GATAD2B: variants seen among roughly 807,000 people sequenced by gnomAD.
GATAD2B encodes the protein GATA zinc finger domain containing 2B, also known as transcriptional repressor p66-beta.
GATAD2B carries 8 observed loss-of-function variants against 64.3 expected under a neutral mutation model. The ratio of observed to expected loss-of-function variants is 0.12; its 90% CI spans 0.07 to 0.22. GATAD2B has a LOEUF of 0.22. Ranked by LOEUF, GATAD2B falls within the 10% of genes least tolerant of loss-of-function variation. The pLI, the probability that GATAD2B is intolerant of heterozygous loss-of-function variation, is 1.00. For missense variants in GATAD2B, 453 were observed against 752.0 expected (o/e 0.60, Z 4.65); for synonymous variants, 281 against 271.3 (o/e 1.04, Z -0.35).
At chr1:153,847,001 G>A (rs1259189951) in intron 1 of GATAD2B, among the ~76,000 whole-genome samples, 2 of 152,146 alleles carry the variant, frequency 1.3e-5, no homozygotes, top group South Asian at 4.1e-4. Context: ...GTATTGCTCT[G>A]TCACCCAGGT....
At chr1:153,859,746 A>G (rs1213416409) in intron 1 of GATAD2B, among the ~76,000 whole-genome samples, 2 of 151,830 alleles carry the variant, frequency 1.3e-5, no homozygotes, top group African/African-American at 4.8e-5. Context: ...CCTAGTTTGT[A>G]TAGAACATGT....
chr1:153,848,973 A>ACCCC (rs113142203), intron 1 of GATAD2B, among the ~76,000 whole-genome samples: 5 of 141,472 alleles, frequency 3.5e-5, no homozygotes, highest in South Asian at 4.5e-4. Flanking sequence ...AAACAAACAA[A>ACCCC]CCCCCCCCCT....
Position 153,843,138 on chromosome 1 carries a change from C to T in GATAD2B, c.-1-14790G>A, listed in dbSNP as rs561229405. On this transcript the variant is annotated intron_variant, in intron 1 of 10. Transcript: ENST00000368655. ...GGCTAATTTTTGCCACTGTGCCTGGCATTTTTTTTTTTAAGAGACAGTATC... is the reference window on the plus strand; with the variant it reads ...GGCTAATTTTTGCCACTGTGCCTGGTATTTTTTTTTTTAAGAGACAGTATC... 9.3e-5 allele frequency among the ~76,000 whole-genome samples: 14 copies of T among 149,932 alleles called. No homozygotes were observed. The East Asian group carries it at 2.0e-3, about 21-fold the overall frequency.
intron 1 of GATAD2B, among the ~76,000 whole-genome samples, chr1:153,915,088 T>TA: frequency 6.6e-6 from 1 of 152,224 alleles, no homozygotes; most frequent in East Asian, 1.9e-4. Flanking sequence ...CCAGGTGTGG[T>TA]GGCATGTGCC....
At chr1:153,846,554 GTTCT>G (rs1415123830) in intron 1 of GATAD2B, among the ~76,000 whole-genome samples, 28 of 132,284 alleles carry the variant, frequency 2.1e-4, no homozygotes, top group Admixed American at 5.4e-4. Context: ...TGTTCTTTGC[GTTCT>G]TTTTTTTTTT....
chr1:153,849,874 C>T (rs1398898861), intron 1 of GATAD2B, among the ~76,000 whole-genome samples: 8 of 152,196 alleles, frequency 5.3e-5, no homozygotes, highest in East Asian at 1.9e-4. Flanking sequence ...TCAGGTGATC[C>T]GCCTGGCTTG....
At chr1:153,920,058 G>A (rs771638329) in intron 1 of GATAD2B, among the ~76,000 whole-genome samples, 36 of 152,230 alleles carry the variant, frequency 2.4e-4, no homozygotes, top group Non-Finnish European at 4.4e-4. Flanking sequence ...TCCCAATGGG[G>A]TGGCTAACAT....
chr1:153,816,293 T>C lies in GATAD2B; in HGVS notation c.1196A>G (p.Gln399Arg). ...CTTACCTTGGCTGTCAATGACACTC[T>C]GTACGACTTCTTCCAAGCCTACCAT... The part of the protein sequence containing the change: ...IYMVGLEEVV[Q>R]SVIDSQGKSC... Residue 399 changes from glutamine to arginine, a missense_variant, in exon 7 of 11, where the codon CAG (glutamine) becomes CGG (arginine). Transcript: ENST00000368655. The surrounding 1 kb of genome is among the most constrained non-coding windows in gnomAD (Gnocchi z 4.9). The C allele has an allele frequency of 1.9e-6, 3 of 1,612,688 alleles. No individual in the cohort carries two copies. The highest frequency in any genetic ancestry group is 2.5e-6 in the Non-Finnish European group (3 of 1,178,672).
chr1:153,863,993 G>GA (rs1272308049), intron 1 of GATAD2B, among the ~76,000 whole-genome samples: 4 of 152,038 alleles, frequency 2.6e-5, no homozygotes, highest in African/African-American at 9.7e-5. Flanking sequence ...TTTTTTATAT[G>GA]AAAGAAAAAC....
At chr1:153,901,611 G>C (rs1377230225) in intron 1 of GATAD2B, among the ~76,000 whole-genome samples, 2 of 151,814 alleles carry the variant, frequency 1.3e-5, no homozygotes, top group African/African-American at 4.8e-5. Context: ...GATCATCTGA[G>C]GTCAGGAATT....
chr1:153,834,292 C>T (rs971382483), intron 1 of GATAD2B, among the ~76,000 whole-genome samples: 2 of 152,052 alleles, frequency 1.3e-5, no homozygotes, highest in African/African-American at 4.8e-5. Context: ...GCATGACCAC[C>T]ACGCCCAGCC....
At chr1:153,870,894 T>C (rs1482911305) in intron 1 of GATAD2B, among the ~76,000 whole-genome samples, 2 of 152,158 alleles carry the variant, frequency 1.3e-5, no homozygotes, top group African/African-American at 4.8e-5. Context: ...CATTATTTCA[T>C]ACTGATACTA....
intron 1 of GATAD2B, among the ~76,000 whole-genome samples, chr1:153,845,432 C>T (rs542245230): frequency 1.3e-5 from 2 of 151,970 alleles, no homozygotes; most frequent in African/African-American, 4.8e-5. Flanking sequence ...ATAGTGATAG[C>T]CTGTCTCTAC....
At chr1:153,881,808 C>CGT (rs986634712) in intron 1 of GATAD2B, among the ~76,000 whole-genome samples, 9 of 150,064 alleles carry the variant, frequency 6.0e-5, no homozygotes, top group African/African-American at 2.2e-4. Flanking sequence ...TGTGGAGGGT[C>CGT]GTGTGTGTGT....
chr1:153,916,738 T>G (rs1678278139), intron 1 of GATAD2B, among the ~76,000 whole-genome samples: 1 of 152,224 alleles, frequency 6.6e-6, no homozygotes, highest in Non-Finnish European at 1.5e-5. Context: ...TTTCATACTT[T>G]TGTTACATAC....
intron 1 of GATAD2B, among the ~76,000 whole-genome samples, chr1:153,893,758 G>A (rs983604210): frequency 2.0e-5 from 3 of 151,706 alleles, no homozygotes; most frequent in African/African-American, 4.8e-5. Flanking sequence ...AGGAGTTCGA[G>A]AACAGCCTGG....
intron 7 of GATAD2B, among the ~76,000 whole-genome samples, chr1:153,815,293 C>CAAAAAAAAAAAAAAAAAAAAAAAA: frequency 8.9e-6 from 1 of 111,834 alleles, no homozygotes; most frequent in Middle Eastern, 5.7e-3. Context: ...AAAAAAAAAA[C>CAAAAAAAAAAAAAAAAAAAAAAAA]AAAAAAAAAA....
rs1176237781 is a variant in GATAD2B, at chr1:153,857,152, AT to A, written c.-1-28805del. 8.7e-4 allele frequency among the ~76,000 whole-genome samples: 130 copies of A among 148,752 alleles called. 1 individual carries two copies. Among genetic ancestry groups the A allele is most frequent in the Middle Eastern group, 3.4e-3 (1 of 292 alleles). ...TATGCATATGCATATATATATATATATATATAAATTGGCCGGGCGCAGTGGC... is the reference window on the plus strand; with the variant it reads ...TATGCATATGCATATATATATATATAATATAAATTGGCCGGGCGCAGTGGC... On this transcript the variant is annotated intron_variant, in intron 1 of 10. Transcript: ENST00000368655.
chr1:153,841,042 G>A (rs754774607), intron 1 of GATAD2B, among the ~76,000 whole-genome samples: 5 of 150,552 alleles, frequency 3.3e-5, no homozygotes, highest in Admixed American at 1.3e-4. Context: ...GGAGAATGGC[G>A]TGAACCCAGG....
Sources: allele counts gnomAD v4.1 joint callset (sites outside exome capture counted in the v4.1 genomes callset), GRCh38; gene constraint gnomAD v4.1.1; non-coding constraint Gnocchi (gnomAD v3.1); transcripts MANE v1.5; gene names NCBI Gene and HGNC (gene_info 2026-07-23, HGNC 2026-07-21).